The following EHBP1 variants were observed in gnomAD, a reference collection of about 807,000 sequenced individuals.
The protein encoded by EHBP1 is EH domain binding protein 1, also known as EH domain-binding protein 1.
In EHBP1, 55 loss-of-function variants were observed where a neutral mutation model predicts 144.0. The ratio of observed to expected loss-of-function variants is 0.38; its 90% CI spans 0.31 to 0.48. The LOEUF (loss-of-function observed/expected upper bound fraction) is 0.48, where lower values mean the gene tolerates loss of function less well. EHBP1 is among the 20% of genes least tolerant of loss of function. EHBP1 has a pLI of 0.98. For synonymous variants in EHBP1, 469 were observed against 472.7 expected, an observed-to-expected ratio of 0.99 and a Z score of 0.10; for missense variants, 1,200 against 1,364.2, an observed-to-expected ratio of 0.88 and a Z score of 1.90.
At chr2:62,999,550 G>T (rs2059769565) in intron 19 of EHBP1, among the ~76,000 whole-genome samples, 1 of 151,996 alleles carries the variant, frequency 6.6e-6, no homozygotes, top group South Asian at 2.1e-4. Flanking sequence ...TTGCTTTATT[G>T]CAGTTATTTC....
intron 19 of EHBP1, among the ~76,000 whole-genome samples, chr2:63,032,703 TTGGTGA>T (rs1343180350): frequency 6.6e-6 from 1 of 152,088 alleles, no homozygotes; most frequent in Non-Finnish European, 1.5e-5. Flanking sequence ...AGGAAGAACT[TTGGTGA>T]AGTTGTCTGT....
intron 5 of EHBP1, among the ~76,000 whole-genome samples, chr2:62,772,663 T>C (rs769142820): frequency 5.3e-5 from 8 of 152,240 alleles, no homozygotes; most frequent in Non-Finnish European, 1.2e-4. Context: ...CATACAATTA[T>C]AGGGTTGCTT....
At chr2:62,714,005 G>A (rs2035415220) in intron 2 of EHBP1, among the ~76,000 whole-genome samples, 1 of 152,128 alleles carries the variant, frequency 6.6e-6, no homozygotes, top group Non-Finnish European at 1.5e-5. Context: ...TCATGATTAT[G>A]TCTACACATG....
In EHBP1 at chr2:62,899,205, G is replaced by A. The variant is rs532913854; in HGVS notation, c.1185+24673G>A. 5.9e-5 allele frequency among the ~76,000 whole-genome samples: 9 copies of A among 152,288 alleles called. No individual in the cohort carries two copies. The East Asian group carries it at 1.7e-3, about 29-fold the overall frequency. On this transcript the variant is annotated intron_variant, in intron 10 of 22. Transcript: ENST00000431489. ...AGATGTTTCATTCATGAACTCAGGA[G>A]CTGAAGGGGTCTTCCCTAAATTCAG...
At chr2:62,897,855 T>C (rs1459810563) in intron 10 of EHBP1, among the ~76,000 whole-genome samples, 2 of 152,198 alleles carry the variant, frequency 1.3e-5, no homozygotes, top group African/African-American at 2.4e-5. Flanking sequence ...CTAGTTCAAA[T>C]AGATCTTTAT....
intron 10 of EHBP1, among the ~76,000 whole-genome samples, chr2:62,928,964 C>A (rs1361529474): frequency 2.6e-5 from 4 of 151,930 alleles, no homozygotes; most frequent in African/African-American, 9.7e-5. Context: ...TAATTCTACA[C>A]CAACAAATTG....
At chr2:62,994,438 A>G (rs542853746) in intron 18 of EHBP1, among the ~76,000 whole-genome samples, 1 of 152,206 alleles carries the variant, frequency 6.6e-6, no homozygotes, top group Non-Finnish European at 1.5e-5. Flanking sequence ...TTGCATTAAT[A>G]TAATATATAT....
chr2:62,828,548 C>G (rs1346254148), intron 6 of EHBP1, among the ~76,000 whole-genome samples: 1 of 152,036 alleles, frequency 6.6e-6, no homozygotes. Flanking sequence ...AAGTGCTTTT[C>G]CTGCTATAAT....
At chr2:62,783,568 T>C (rs2042599723) in intron 5 of EHBP1, among the ~76,000 whole-genome samples, 1 of 152,256 alleles carries the variant, frequency 6.6e-6, no homozygotes, top group Non-Finnish European at 1.5e-5. Context: ...CAACACCACG[T>C]AGAAGCTGCC....
At position 62,842,094 on chromosome 2, in the gene EHBP1, C is replaced by CTTTTTTTTTTTTT. The variant is rs555042055; in HGVS notation, c.634+10946_634+10947insTTTTTTTTTTTTT. Among the ~76,000 whole-genome samples the CTTTTTTTTTTTTT allele has an allele frequency of 2.3e-3, 340 of 147,438 alleles. 3 individuals are homozygous for CTTTTTTTTTTTTT. Among genetic ancestry groups the CTTTTTTTTTTTTT allele is most frequent in the African/African-American group, 7.9e-3 (319 of 40,136 alleles). ...AGGGACAAACTTGCTCCCTCAAAGC[C>CTTTTTTTTTTTTT]TTTTTTTTTTGAGACAAGGTCTTGC... On this transcript the variant is annotated intron_variant, in intron 7 of 22. Transcript: ENST00000431489.
intron 13 of EHBP1, among the ~76,000 whole-genome samples, chr2:62,952,214 G>A (rs28702662): frequency 6.6e-6 from 1 of 152,128 alleles, no homozygotes; most frequent in Non-Finnish European, 1.5e-5. Flanking sequence ...CACTGGATTG[G>A]CAAAAGTAAT....
chr2:62,704,570 CCT>C (rs2034388664), upstream of EHBP1, among the ~76,000 whole-genome samples: 1 of 152,080 alleles, frequency 6.6e-6, no homozygotes, highest in African/African-American at 2.4e-5. Context: ...TGTTAGCTTG[CCT>C]CTCTTTTTTT....
intron 7 of EHBP1, among the ~76,000 whole-genome samples, chr2:62,832,437 TC>T (rs376886789): frequency 1.4e-5 from 2 of 145,602 alleles, no homozygotes; most frequent in East Asian, 2.0e-4. Flanking sequence ...TTTTCTTTTT[TC>T]TTTTTTTTTT....
At chr2:62,940,101 A>T in intron 10 of EHBP1, 1 of 434,692 alleles carries the variant, frequency 2.3e-6, no homozygotes, top group Non-Finnish European at 4.6e-6. Context: ...TGGGATGCCT[A>T]CCAAGACTTT....
At chr2:62,863,381 T>C (rs1230000624) in intron 8 of EHBP1, among the ~76,000 whole-genome samples, 5 of 151,282 alleles carry the variant, frequency 3.3e-5, no homozygotes, top group Non-Finnish European at 4.4e-5. Flanking sequence ...ATCATTGAGG[T>C]CAGAAGTTCA....
chr2:62,675,371 G>T (rs2033247282), intron 1 of EHBP1, among the ~76,000 whole-genome samples: 1 of 152,172 alleles, frequency 6.6e-6, no homozygotes, highest in Non-Finnish European at 1.5e-5. Context: ...TGACTTTAAA[G>T]TGTCTATATG....
At chr2:62,764,531 A>G (rs1248975960) in intron 4 of EHBP1, among the ~76,000 whole-genome samples, 170 bp downstream of exon 4, 1 of 152,078 alleles carries the variant, frequency 6.6e-6, no homozygotes, top group Non-Finnish European at 1.5e-5. Context: ...ACAGTATTTC[A>G]TGGTTTATAA....
chr2:63,032,019 A>T (rs1052126894), intron 19 of EHBP1, among the ~76,000 whole-genome samples: 3 of 152,122 alleles, frequency 2.0e-5, no homozygotes, highest in African/African-American at 7.2e-5. Flanking sequence ...GACTACTTTG[A>T]TGCTTTTTTA....
At chr2:63,024,066 C>T (rs2060868973) in intron 19 of EHBP1, among the ~76,000 whole-genome samples, 1 of 152,152 alleles carries the variant, frequency 6.6e-6, no homozygotes, top group Non-Finnish European at 1.5e-5. Flanking sequence ...GGAGGATCAG[C>T]CAGGCGCGGT....
Sources: allele counts gnomAD v4.1 joint callset (sites outside exome capture counted in the v4.1 genomes callset), GRCh38; gene constraint gnomAD v4.1.1; transcripts MANE v1.5; gene names NCBI Gene and HGNC (gene_info 2026-07-23, HGNC 2026-07-21).